TPRG1: variants seen among roughly 807,000 people sequenced by gnomAD.
The protein encoded by TPRG1 is tumor protein p63-regulated gene 1 protein.
In TPRG1, 29 loss-of-function variants were observed where a neutral mutation model predicts 29.3. The observed-to-expected ratio is 0.99, with a 90% CI of 0.74 to 1.35. TPRG1 has a LOEUF of 1.35. Ranked by LOEUF, TPRG1 falls within the 40% of genes most tolerant of loss-of-function variation. The pLI, the probability that TPRG1 is intolerant of heterozygous loss-of-function variation, is 0.00. For synonymous variants in TPRG1, 130 were observed against 116.8 expected (o/e 1.11, Z -0.73); for missense variants, 327 against 335.0 (o/e 0.98, Z 0.19).
intron 3 of TPRG1, among the ~76,000 whole-genome samples, chr3:189,023,221 G>T (rs1229234939): frequency 1.3e-5 from 2 of 152,204 alleles, no homozygotes; most frequent in Admixed American, 1.3e-4. Flanking sequence ...GCAGACCGGA[G>T]CTGTTCCTAT....
intron 1 of TPRG1, among the ~76,000 whole-genome samples, chr3:189,117,840 T>C (rs1351945782): frequency 1.3e-5 from 2 of 152,218 alleles, no homozygotes; most frequent in Non-Finnish European, 2.9e-5. Flanking sequence ...TCAATTAAAC[T>C]TCTTTATAAA....
At chr3:189,090,359 C>T (rs550458858) in intron 4 of TPRG1, among the ~76,000 whole-genome samples, 6 of 152,110 alleles carry the variant, frequency 3.9e-5, no homozygotes, top group African/African-American at 1.4e-4. Flanking sequence ...CTGATCTATA[C>T]GTAATTTTTG....
chr3:189,249,329 C>T (rs1240867220), intron 4 of TPRG1, among the ~76,000 whole-genome samples: 4 of 151,736 alleles, frequency 2.6e-5, no homozygotes, highest in South Asian at 4.2e-4. Flanking sequence ...TAATATTTTT[C>T]ATTATAGAGT....
chr3:189,094,521 G>A (rs916390837), intron 4 of TPRG1, among the ~76,000 whole-genome samples: 2 of 152,102 alleles, frequency 1.3e-5, no homozygotes, highest in Non-Finnish European at 2.9e-5. Context: ...ACTGCTTCAC[G>A]TCCTTGAGCT....
At chr3:189,094,221 G>T (rs558438497) in intron 4 of TPRG1, among the ~76,000 whole-genome samples, 1 of 152,150 alleles carries the variant, frequency 6.6e-6, no homozygotes, top group African/African-American at 2.4e-5. Context: ...ACAGGGTAGC[G>T]TATGAAGTAA....
At chr3:189,282,921 C>T (rs1222306810) in intron 4 of TPRG1, among the ~76,000 whole-genome samples, 1 of 152,188 alleles carries the variant, frequency 6.6e-6, no homozygotes, top group African/African-American at 2.4e-5. Flanking sequence ...CCCAGCCAAG[C>T]TCAAGTTAAA....
intron 4 of TPRG1, among the ~76,000 whole-genome samples, chr3:189,254,267 T>C (rs1742718309): frequency 6.6e-6 from 1 of 152,224 alleles, no homozygotes; most frequent in Admixed American, 6.5e-5. Flanking sequence ...ACACCACTTA[T>C]TAAATAGGGA....
intron 4 of TPRG1, among the ~76,000 whole-genome samples, chr3:189,257,732 C>T (rs137991618): frequency 0.013 from 1,994 of 152,188 alleles, 39 homozygotes; most frequent in African/African-American, 0.045. Flanking sequence ...CTAATCTTGT[C>T]TTTACACTTT....
chr3:189,225,530 T>C (rs1220966491), intron 3 of TPRG1, among the ~76,000 whole-genome samples: 1 of 152,182 alleles, frequency 6.6e-6, no homozygotes, highest in East Asian at 1.9e-4. Flanking sequence ...TGCCAGTGTG[T>C]TTCCTTAAAG....
chr3:189,078,128 TCTTTCTTTC>T (rs1481054157), intron 4 of TPRG1, among the ~76,000 whole-genome samples: 126 of 125,402 alleles, frequency 1.0e-3, no homozygotes, highest in Middle Eastern at 3.9e-3. Flanking sequence ...TTTCTTTCTT[TCTTTCTTTC>T]CTTTCTTTTT....
At chr3:189,164,623 G>T (rs921880970) in intron 5 of TPRG1, among the ~76,000 whole-genome samples, 6 of 115,130 alleles carry the variant, frequency 5.2e-5, no homozygotes, top group African/African-American at 2.5e-4. Flanking sequence ...AAAAATAAAA[G>T]CTTCCCTTTT....
intron 3 of TPRG1, among the ~76,000 whole-genome samples, chr3:189,012,452 C>G (rs1413611983): frequency 6.6e-6 from 1 of 152,148 alleles, no homozygotes; most frequent in Non-Finnish European, 1.5e-5. Flanking sequence ...CTGAACGAGT[C>G]TTGCATCCCA....
At chr3:189,279,427 C>A (rs1716722843) in intron 4 of TPRG1, among the ~76,000 whole-genome samples, 1 of 151,968 alleles carries the variant, frequency 6.6e-6, no homozygotes, top group African/African-American at 2.4e-5. Context: ...GCAAGTATGC[C>A]CTAGTGCTTA....
At chr3:189,091,294 A>G (rs776294668) in intron 4 of TPRG1, among the ~76,000 whole-genome samples, 1 of 152,156 alleles carries the variant, frequency 6.6e-6, no homozygotes, top group Non-Finnish European at 1.5e-5. Context: ...TGACAGATGC[A>G]TTTTGAAATC....
At chr3:189,165,295 T>C (rs1008815650) in intron 5 of TPRG1, among the ~76,000 whole-genome samples, 2 of 151,964 alleles carry the variant, frequency 1.3e-5, no homozygotes, top group African/African-American at 4.8e-5. Context: ...ACACAGGTTT[T>C]ACTGCTGTTT....
intron 5 of TPRG1, among the ~76,000 whole-genome samples, chr3:189,314,228 T>A (rs1240148724): frequency 6.6e-6 from 1 of 151,940 alleles, no homozygotes; most frequent in Non-Finnish European, 1.5e-5. Flanking sequence ...GAACTTGGGG[T>A]AGGGTTGGTT....
chr3:189,224,580 T>C (rs1273250976), intron 3 of TPRG1, among the ~76,000 whole-genome samples: 1 of 151,970 alleles, frequency 6.6e-6, no homozygotes, highest in Non-Finnish European at 1.5e-5. Context: ...AACAGTTCAA[T>C]GTGGCTGGAT....
intron 4 of TPRG1, among the ~76,000 whole-genome samples, chr3:189,087,582 A>C (rs1394971874): frequency 6.6e-6 from 1 of 152,196 alleles, no homozygotes; most frequent in African/African-American, 2.4e-5. Context: ...GTACTTGCCC[A>C]TGCCTATGTC....
At chr3:189,312,526 A>G (rs896231498) in intron 5 of TPRG1, among the ~76,000 whole-genome samples, 3 of 152,152 alleles carry the variant, frequency 2.0e-5, no homozygotes, top group Non-Finnish European at 4.4e-5. Flanking sequence ...TGGTACATCC[A>G]TCATTTCCTG....
Sources: allele counts gnomAD v4.1 joint callset (sites outside exome capture counted in the v4.1 genomes callset), GRCh38; gene constraint gnomAD v4.1.1; transcripts MANE v1.5; gene names NCBI Gene and HGNC (gene_info 2026-07-23, HGNC 2026-07-21).